The following LARGE1 variants were observed in gnomAD, a reference collection of about 807,000 sequenced individuals.
LARGE1 encodes the protein xylosyl- and glucuronyltransferase LARGE1.
A neutral mutation model predicts 87.6 loss-of-function variants in LARGE1; 43 were observed. The observed-to-expected ratio is 0.49, with a 90% confidence interval of 0.38 to 0.63. The LOEUF is 0.63. Among genes scored for constraint, LARGE1 ranks in the 30% least tolerant of loss-of-function variants. The pLI is 0.00. For synonymous variants in LARGE1, 434 were observed against 394.6 expected, an observed-to-expected ratio of 1.10 and a Z score of -1.18; for missense variants, 802 against 1,000.2, an observed-to-expected ratio of 0.80 and a Z score of 2.67.
At chr22:33,920,918 G>T (rs904632860), upstream of LARGE1, among the ~76,000 whole-genome samples, 8 of 147,864 alleles carry the variant, frequency 5.4e-5, no homozygotes, top group Non-Finnish European at 7.5e-5. Context: ...CGCGGGAACC[G>T]GCAGGGGCGG....
the LARGE1 span, among the ~76,000 whole-genome samples, chr22:33,149,489 T>C: frequency 6.6e-6 from 1 of 152,220 alleles, no homozygotes; most frequent in Non-Finnish European, 1.5e-5. Context: ...TTCTCCTAAA[T>C]ATTTTTCTGA....
chr22:33,431,221 A>G (rs1174615849), intron 7 of LARGE1, among the ~76,000 whole-genome samples: 2 of 152,150 alleles, frequency 1.3e-5, no homozygotes, highest in African/African-American at 4.8e-5. Context: ...AGGCTGCCCT[A>G]GTTTCATTGC....
At chr22:33,239,970 T>G (rs528682604) in intron 11 of LARGE1, among the ~76,000 whole-genome samples, 23 of 152,198 alleles carry the variant, frequency 1.5e-4, no homozygotes, top group Non-Finnish European at 2.9e-4. Flanking sequence ...TATTTGCAAG[T>G]CTTCTTGTGA....
intron 11 of LARGE1, among the ~76,000 whole-genome samples, chr22:33,177,247 A>G (rs980215506): frequency 1.3e-5 from 2 of 152,194 alleles, no homozygotes; most frequent in Non-Finnish European, 2.9e-5. Context: ...TGGCACGTGT[A>G]TACGTATGTA....
chr22:33,728,605 G>A (rs951533192), intron 2 of LARGE1, among the ~76,000 whole-genome samples: 1 of 148,296 alleles, frequency 6.7e-6, no homozygotes, highest in African/African-American at 2.5e-5. Flanking sequence ...CATTTCCAGG[G>A]GATTTCTTCC....
At chr22:33,116,680 G>A in the LARGE1 span, among the ~76,000 whole-genome samples, 6 of 152,130 alleles carry the variant, frequency 3.9e-5, no homozygotes, top group Non-Finnish European at 8.8e-5. Context: ...TAGTTTCAAT[G>A]ATTATTTCTG....
intron 6 of LARGE1, among the ~76,000 whole-genome samples, chr22:33,555,771 C>G: frequency 6.6e-6 from 1 of 151,484 alleles, no homozygotes; most frequent in Non-Finnish European, 1.5e-5. Flanking sequence ...TCTACTAAAA[C>G]TACAAAAAAT....
chr22:33,903,056 C>T (rs138596689), intron 1 of LARGE1, among the ~76,000 whole-genome samples: 6 of 152,182 alleles, frequency 3.9e-5, no homozygotes, highest in African/African-American at 9.6e-5. Flanking sequence ...CGCTTGAACC[C>T]GGGAGGCGGA....
chr22:33,894,202 T>C (rs112285490), intron 1 of LARGE1, among the ~76,000 whole-genome samples: 1 of 152,140 alleles, frequency 6.6e-6, no homozygotes, highest in Admixed American at 6.5e-5. Flanking sequence ...CTGTACCATA[T>C]GGAGGCCTCC....
chr22:33,191,022 C>T (rs1034979178), intron 11 of LARGE1, among the ~76,000 whole-genome samples: 2 of 152,176 alleles, frequency 1.3e-5, no homozygotes, highest in African/African-American at 4.8e-5. Context: ...TTTTAAACAC[C>T]TGTTTCCTTG....
At chr22:33,342,875 C>A (rs771001278) in intron 9 of LARGE1, among the ~76,000 whole-genome samples, 5 of 152,146 alleles carry the variant, frequency 3.3e-5, no homozygotes, top group Non-Finnish European at 7.4e-5. Flanking sequence ...ATCGGCAAGC[C>A]CATCCAAAAA....
At chr22:33,251,989 C>T (rs1927028855) in intron 11 of LARGE1, among the ~76,000 whole-genome samples, 1 of 152,148 alleles carries the variant, frequency 6.6e-6, no homozygotes, top group Non-Finnish European at 1.5e-5. Context: ...AAATGCATCC[C>T]AGTGTTCTAC....
At chr22:33,390,747 T>C (rs950158766) in intron 7 of LARGE1, among the ~76,000 whole-genome samples, 1 of 150,500 alleles carries the variant, frequency 6.6e-6, no homozygotes, top group African/African-American at 2.4e-5. Context: ...TGGAGTGCAG[T>C]GAGTGGCACG....
intron 11 of LARGE1, among the ~76,000 whole-genome samples, chr22:33,219,551 C>A (rs993278704): frequency 6.6e-6 from 1 of 152,210 alleles, no homozygotes; most frequent in African/African-American, 2.4e-5. Flanking sequence ...GGAGATCAGG[C>A]AGCATTGCAT....
intron 9 of LARGE1, among the ~76,000 whole-genome samples, chr22:33,364,968 T>C (rs1359964826): frequency 6.6e-6 from 1 of 152,146 alleles, no homozygotes; most frequent in Non-Finnish European, 1.5e-5. Flanking sequence ...AGTGCTGAGA[T>C]TACTGGCATG....
intron 5 of LARGE1, among the ~76,000 whole-genome samples, chr22:33,596,261 TG>T (rs2078973958): frequency 6.6e-6 from 1 of 152,220 alleles, no homozygotes; most frequent in Non-Finnish European, 1.5e-5. Flanking sequence ...TTGCATTCAT[TG>T]TCTAAAATTT....
chr22:33,694,936 T>C (rs1457737136), intron 2 of LARGE1, among the ~76,000 whole-genome samples: 1 of 152,148 alleles, frequency 6.6e-6, no homozygotes, highest in Non-Finnish European at 1.5e-5. Context: ...ATTAATTAAG[T>C]GCTTAGTGAG....
chr22:33,916,806 T>C (rs1350768333), intron 1 of LARGE1, among the ~76,000 whole-genome samples: 1 of 152,250 alleles, frequency 6.6e-6, no homozygotes, highest in Non-Finnish European at 1.5e-5. Context: ...ACTTCATTCA[T>C]GTCTCAGGAT....
chr22:33,068,283 C>A, the LARGE1 span, among the ~76,000 whole-genome samples: 1 of 152,144 alleles, frequency 6.6e-6, no homozygotes, highest in African/African-American at 2.4e-5. Flanking sequence ...AATGGAAATT[C>A]TTCTTCTTTC....
Sources: allele counts gnomAD v4.1 joint callset (sites outside exome capture counted in the v4.1 genomes callset), GRCh38; gene constraint gnomAD v4.1.1; transcripts MANE v1.5; gene names NCBI Gene and HGNC (gene_info 2026-07-23, HGNC 2026-07-21).